HMGB1: variants seen among roughly 807,000 people sequenced by gnomAD.
HMGB1 encodes high mobility group protein B1.
For synonymous variants in HMGB1, 81 were observed against 84.0 expected, an observed-to-expected ratio of 0.96 and a Z score of 0.19; for missense variants, 79 against 253.5, an observed-to-expected ratio of 0.31 and a Z score of 4.67.
At chr13:30,472,095 C>G (rs1359050823) in intron 1 of HMGB1, among the ~76,000 whole-genome samples, 1 of 150,864 alleles carries the variant, frequency 6.6e-6, no homozygotes, top group African/African-American at 2.4e-5. Context: ...CTGGCCAACA[C>G]GGCAAAACCC....
At chr13:30,564,190 T>C (rs1463899154) in intron 1 of HMGB1, among the ~76,000 whole-genome samples, 1 of 146,306 alleles carries the variant, frequency 6.8e-6, no homozygotes, top group African/African-American at 2.5e-5. Context: ...CCCAGCACTC[T>C]GGGAGGCCGC....
intron 1 of HMGB1, among the ~76,000 whole-genome samples, chr13:30,605,292 G>C (rs142540970): frequency 6.6e-6 from 1 of 152,104 alleles, no homozygotes; most frequent in Non-Finnish European, 1.5e-5. Flanking sequence ...ATATGAACTT[G>C]GGAGTCTCCA....
intron 1 of HMGB1, among the ~76,000 whole-genome samples, chr13:30,535,400 G>A (rs1207217674): frequency 4.6e-5 from 7 of 152,226 alleles, no homozygotes; most frequent in African/African-American, 1.7e-4. Context: ...GCATATGTAT[G>A]TATTGCTACT....
At chr13:30,568,557 G>A (rs1271161291) in intron 1 of HMGB1, among the ~76,000 whole-genome samples, 2 of 152,114 alleles carry the variant, frequency 1.3e-5, no homozygotes, top group Non-Finnish European at 2.9e-5. Flanking sequence ...AGAATCTTGA[G>A]ATAAGATCAT....
intron 4 of HMGB1, 93 bp downstream of exon 4, chr13:30,462,445 G>GTT: frequency 1.0e-6 from 1 of 962,938 alleles, no homozygotes; most frequent in Non-Finnish European, 1.7e-6. Context: ...TAATGTAGCT[G>GTT]TTACCCTAAA....
At chr13:30,553,720 G>T in intron 1 of HMGB1, 2 of 1,148,822 alleles carry the variant, frequency 1.7e-6, no homozygotes, top group Non-Finnish European at 2.6e-6. Flanking sequence ...GCTCAGCATC[G>T]CTGGCAGCTG....
chr13:30,518,639 G>C (rs192966732), intron 1 of HMGB1, among the ~76,000 whole-genome samples: 17 of 152,060 alleles, frequency 1.1e-4, no homozygotes, highest in Non-Finnish European at 2.2e-4. Flanking sequence ...TGCTTGAAGA[G>C]CATTTAGCAC....
At chr13:30,610,600 T>C (rs1950504630) in intron 1 of HMGB1, among the ~76,000 whole-genome samples, 1 of 152,090 alleles carries the variant, frequency 6.6e-6, no homozygotes. Context: ...ATAACAGAAG[T>C]GGGATTAGTA....
intron 1 of HMGB1, among the ~76,000 whole-genome samples, chr13:30,587,636 A>T (rs139127519): frequency 3.5e-3 from 540 of 152,284 alleles, no homozygotes; most frequent in African/African-American, 0.011. Flanking sequence ...TATGTCTTTT[A>T]TATCTCCTAA....
At chr13:30,564,586 A>G (rs1199395880) in intron 1 of HMGB1, among the ~76,000 whole-genome samples, 1 of 152,254 alleles carries the variant, frequency 6.6e-6, no homozygotes, top group East Asian at 1.9e-4. Flanking sequence ...CCTAAAAGTA[A>G]TCACTTCTGT....
At chr13:30,578,289 TATC>T (rs1407601142) in intron 1 of HMGB1, among the ~76,000 whole-genome samples, 1 of 151,580 alleles carries the variant, frequency 6.6e-6, no homozygotes, top group Non-Finnish European at 1.5e-5. Context: ...ACTTAACCAT[TATC>T]ATACTGAAGT....
rs1886206681 is a variant in HMGB1, at chr13:30,459,967, A to G, written c.*1390T>C. 1 of 152,608 alleles carries G rather than the reference A, an allele frequency of 6.6e-6. No homozygotes were observed. Among genetic ancestry groups the G allele is most frequent in the African/African-American group, 2.4e-5 (1 of 41,438 alleles). 9.5% of individuals were successfully genotyped at this position (152,608 alleles called of 1,614,324 possible). ...AAAGAATCCAAGTCTAAATTATATA[A>G]CAAAACAGCACTCCATCACAAAAGC... On this transcript the variant is annotated 3_prime_UTR_variant, in exon 5 of 5. Transcript: ENST00000341423.
chr13:30,469,467 T>G (rs201725966), upstream of HMGB1, among the ~76,000 whole-genome samples: 12 of 55,920 alleles, frequency 2.1e-4, 3 homozygotes, highest in Non-Finnish European at 4.5e-4. Context: ...GTATTTTTTG[T>G]TTTTTTTTTT....
chr13:30,460,836 A>G lies in HMGB1; in HGVS notation c.*521T>C, dbSNP rs552393937. 1 of 154,162 alleles carries G rather than the reference A, an allele frequency of 6.5e-6. No homozygotes were observed. Among genetic ancestry groups the G allele is most frequent in the Admixed American group, 6.5e-5 (1 of 15,308 alleles). The allele number at this position is 154,162 out of a possible 1,614,324, so 9.5% of individuals were successfully genotyped here. A position where few individuals can be genotyped will look rare whatever the true frequency, so the allele number is the denominator to read the frequency against. On this transcript the variant is annotated 3_prime_UTR_variant, in exon 5 of 5. Coordinates refer to ENST00000341423, the MANE Select transcript of HMGB1 (RefSeq NM_002128.7). ...CATGTGATTCAAAATGGGCAAAAGC[A>G]AAAGACTAGCTTCCCCTCAAGAAGA... is the stretch of plus-strand genomic sequence containing the variant.
At chr13:30,548,259 A>C (rs1425355232) in intron 1 of HMGB1, among the ~76,000 whole-genome samples, 1 of 152,068 alleles carries the variant, frequency 6.6e-6, no homozygotes, top group Middle Eastern at 3.2e-3. Flanking sequence ...CGGTTTTATA[A>C]GGGGCTTTCC....
At chr13:30,479,225 A>AT (rs1887171807) in intron 1 of HMGB1, among the ~76,000 whole-genome samples, 1 of 152,188 alleles carries the variant, frequency 6.6e-6, no homozygotes, top group African/African-American at 2.4e-5. Flanking sequence ...TTTGGACCTT[A>AT]GTCCGAATCT....
chr13:30,562,481 CTT>C (rs1209374863), intron 1 of HMGB1, among the ~76,000 whole-genome samples: 1 of 151,858 alleles, frequency 6.6e-6, no homozygotes, highest in African/African-American at 2.4e-5. Context: ...ATAAAGTACT[CTT>C]ATATGAAAAG....
chr13:30,485,038 T>C (rs1887332811), intron 1 of HMGB1, among the ~76,000 whole-genome samples: 1 of 149,312 alleles, frequency 6.7e-6, no homozygotes, highest in African/African-American at 2.4e-5. Flanking sequence ...CTTTTTCTTT[T>C]TTTTTTTTTT....
At chr13:30,464,197 T>G in intron 1 of HMGB1, 9 of 984,810 alleles carry the variant, frequency 9.1e-6, no homozygotes, top group Non-Finnish European at 1.1e-5. Context: ...CCTCTTTGCA[T>G]AAAACTTTGC....
Sources: allele counts gnomAD v4.1 joint callset (sites outside exome capture counted in the v4.1 genomes callset), GRCh38; gene constraint gnomAD v4.1.1; transcripts MANE v1.5; gene names NCBI Gene and HGNC (gene_info 2026-07-23, HGNC 2026-07-21).